The following EEIG2 variants were observed in gnomAD, a reference collection of about 807,000 sequenced individuals.
EEIG2 encodes the protein EEIG family member 2, also known as family with sequence similarity 102 member B.
the EEIG2 span, chr1:108,560,585 G>A: frequency 1.2e-6 from 2 of 1,604,292 alleles, no homozygotes; most frequent in Non-Finnish European, 1.7e-6. Context: ...CTCCCGCGCC[G>A]CCTCGCCCCT....
At chr1:108,595,813 T>C in the EEIG2 span, among the ~76,000 whole-genome samples, 1 of 152,130 alleles carries the variant, frequency 6.6e-6, no homozygotes, top group South Asian at 2.1e-4. Context: ...TCGTATATGT[T>C]ATCATTTGCA....
chr1:108,604,794 C>T, the EEIG2 span, among the ~76,000 whole-genome samples: 5 of 146,850 alleles, frequency 3.4e-5, no homozygotes, highest in Non-Finnish European at 5.9e-5. Context: ...TTTGGGAGGC[C>T]GAGGAATGAG....
chr1:108,633,048 G>A, the EEIG2 span, among the ~76,000 whole-genome samples: 2 of 148,374 alleles, frequency 1.3e-5, no homozygotes, highest in African/African-American at 5.0e-5. Context: ...GCCTCTCAAA[G>A]TGCTGAGATT....
chr1:108,597,827 G>A, the EEIG2 span, among the ~76,000 whole-genome samples: 1 of 152,186 alleles, frequency 6.6e-6, no homozygotes, highest in Non-Finnish European at 1.5e-5. Flanking sequence ...TGTAAGAAAA[G>A]TAAAAGAGTT....
the EEIG2 span, chr1:108,625,819 TGTGTGTGTGG>T: frequency 3.8e-3 from 63 of 16,682 alleles, no homozygotes; most frequent in African/African-American, 5.8e-3. Context: ...TGTGTGTGTG[TGTGTGTGTGG>T]AGAGAGAGAG....
At chr1:108,563,915 A>G in the EEIG2 span, among the ~76,000 whole-genome samples, 75 of 152,324 alleles carry the variant, frequency 4.9e-4, no homozygotes, top group African/African-American at 1.8e-3. Context: ...TGTAATGGTT[A>G]CTGACAACCA....
the EEIG2 span, among the ~76,000 whole-genome samples, chr1:108,602,987 A>G: frequency 6.6e-6 from 1 of 152,296 alleles, no homozygotes; most frequent in South Asian, 2.1e-4. Context: ...AACAGGCCCT[A>G]AAGTATAATA....
the EEIG2 span, among the ~76,000 whole-genome samples, chr1:108,589,783 C>CTTTTTTT: frequency 9.4e-5 from 8 of 85,158 alleles, no homozygotes; most frequent in Non-Finnish European, 1.3e-4. Context: ...GTCTTTTGTC[C>CTTTTTTT]TTTTTTTTTT....
chr1:108,589,657 T>C, the EEIG2 span, among the ~76,000 whole-genome samples: 2 of 152,036 alleles, frequency 1.3e-5, no homozygotes, highest in Non-Finnish European at 2.9e-5. Context: ...TCGTATACCC[T>C]AAGTGTTCAT....
At chr1:108,590,433 T>C in the EEIG2 span, among the ~76,000 whole-genome samples, 45 of 152,358 alleles carry the variant, frequency 3.0e-4, 2 homozygotes, top group African/African-American at 9.4e-4. Flanking sequence ...TGAGGTGGAC[T>C]ATATACATCC....
At chr1:108,629,629 A>G in the EEIG2 span, 1 of 1,611,764 alleles carries the variant, frequency 6.2e-7, no homozygotes, top group Non-Finnish European at 8.5e-7. Context: ...GGGAAGTACA[A>G]CCTTTGGCAG....
the EEIG2 span, among the ~76,000 whole-genome samples, chr1:108,602,744 G>A: frequency 6.6e-6 from 1 of 152,000 alleles, no homozygotes; most frequent in Non-Finnish European, 1.5e-5. Flanking sequence ...GCCAGGTATG[G>A]TGGCACTCAC....
chr1:108,587,189 T>C, the EEIG2 span, among the ~76,000 whole-genome samples: 2 of 152,152 alleles, frequency 1.3e-5, no homozygotes, highest in African/African-American at 2.4e-5. Context: ...ATTCCCTGTG[T>C]CCTTGTTTTT....
chr1:108,618,476 T>A, the EEIG2 span, among the ~76,000 whole-genome samples: 2 of 152,190 alleles, frequency 1.3e-5, no homozygotes, highest in Admixed American at 6.5e-5. Flanking sequence ...TGAGGACACT[T>A]AATGATTAAA....
At chr1:108,561,853 T>C in the EEIG2 span, among the ~76,000 whole-genome samples, 1,968 of 152,316 alleles carry the variant, frequency 0.013, 19 homozygotes, top group Non-Finnish European at 0.02. Context: ...AGTCTTGCCC[T>C]GAGGCCTAGA....
At chr1:108,624,673 A>G in the EEIG2 span, 10 of 1,614,072 alleles carry the variant, frequency 6.2e-6, no homozygotes, top group Admixed American at 1.7e-5. Flanking sequence ...GTCTATACCA[A>G]TTGCTGGTGA....
chr1:108,576,747 C>T, the EEIG2 span, among the ~76,000 whole-genome samples: 8 of 150,164 alleles, frequency 5.3e-5, no homozygotes, highest in East Asian at 1.6e-3. Context: ...AATAATGCCG[C>T]AATAAACATA....
chr1:108,605,305 G>A, the EEIG2 span, among the ~76,000 whole-genome samples: 2 of 152,162 alleles, frequency 1.3e-5, no homozygotes, highest in South Asian at 4.1e-4. Flanking sequence ...ACTCATAATG[G>A]GGTAGATGTA....
chr1:108,568,422 T>G, the EEIG2 span, among the ~76,000 whole-genome samples: 17 of 152,158 alleles, frequency 1.1e-4, no homozygotes, highest in Admixed American at 9.8e-4. Flanking sequence ...GAATCTTGAA[T>G]TATGCTAATA....
Sources: allele counts gnomAD v4.1 joint callset (sites outside exome capture counted in the v4.1 genomes callset), GRCh38; gene constraint gnomAD v4.1.1; transcripts MANE v1.5; gene names NCBI Gene and HGNC (gene_info 2026-07-23, HGNC 2026-07-21).